Variants in CNTN6 observed in about 807,000 individuals in gnomAD.
CNTN6 encodes contactin-6.
In CNTN6, 137 loss-of-function variants were observed where a neutral mutation model predicts 122.8. That is an observed-to-expected ratio of 1.12 (90% CI 0.97 to 1.29). The LOEUF is 1.29. Among genes scored for constraint, CNTN6 ranks in the 50% most tolerant of loss-of-function variants. The pLI, the probability that CNTN6 is intolerant of heterozygous loss-of-function variation, is 0.00. For synonymous variants in CNTN6, 570 were observed against 426.0 expected, an observed-to-expected ratio of 1.34 and a Z score of -4.16; for missense variants, 1,634 against 1,223.4, an observed-to-expected ratio of 1.34 and a Z score of -5.01.
At chr3:1,226,837 A>G (rs779879277) in intron 3 of CNTN6, among the ~76,000 whole-genome samples, 3 of 152,172 alleles carry the variant, frequency 2.0e-5, no homozygotes, top group Non-Finnish European at 4.4e-5. Flanking sequence ...GTGAGAAAAG[A>G]TATTTTTCTA....
At chr3:1,118,772 G>A (rs1256652955) in intron 1 of CNTN6, among the ~76,000 whole-genome samples, 1 of 152,040 alleles carries the variant, frequency 6.6e-6, no homozygotes, top group East Asian at 1.9e-4. Context: ...ACATCTGAGA[G>A]ATAAGCATAG....
intron 1 of CNTN6, among the ~76,000 whole-genome samples, chr3:1,118,347 G>A (rs1020592874): frequency 2.0e-5 from 3 of 152,062 alleles, no homozygotes; most frequent in Non-Finnish European, 4.4e-5. Flanking sequence ...TGACCTGTAC[G>A]GAATAGTAAT....
intron 2 of CNTN6, among the ~76,000 whole-genome samples, chr3:1,157,048 C>T (rs2092987730): frequency 6.7e-6 from 1 of 149,726 alleles, no homozygotes. Flanking sequence ...TTTAATTTTT[C>T]TGTGTACATA....
At chr3:1,160,365 T>TATATATATATATATATATATGTAC (rs1486849078) in intron 2 of CNTN6, among the ~76,000 whole-genome samples, 1 of 133,418 alleles carries the variant, frequency 7.5e-6, no homozygotes, top group African/African-American at 2.9e-5. Flanking sequence ...TATATATATA[T>TATATATATATATATATATATGTAC]ATACACACTA....
At chr3:1,377,160 A>G (rs1575948851) in intron 17 of CNTN6, 85 bp downstream of exon 17, 1 of 936,382 alleles carries the variant, frequency 1.1e-6, no homozygotes, top group Non-Finnish European at 1.7e-6. Context: ...GATTTATTTG[A>G]TCACTATTGA....
intron 1 of CNTN6, among the ~76,000 whole-genome samples, chr3:1,140,299 C>T (rs1030666634): frequency 2.0e-5 from 3 of 152,130 alleles, no homozygotes; most frequent in African/African-American, 7.2e-5. Flanking sequence ...CAGGTGCACA[C>T]AGAGGCTGGA....
chr3:1,245,548 T>C (rs971074259), intron 4 of CNTN6, among the ~76,000 whole-genome samples: 6 of 148,520 alleles, frequency 4.0e-5, no homozygotes, highest in Non-Finnish European at 7.4e-5. Context: ...AGGGTGGGGG[T>C]TGGTGAGGGA....
At chr3:1,327,622 G>C (rs762259116) in intron 10 of CNTN6, 36 bp downstream of exon 10, 6 of 1,600,234 alleles carry the variant, frequency 3.7e-6, no homozygotes, top group Non-Finnish European at 5.1e-6. Flanking sequence ...AATTCAAAAT[G>C]ACGTTTTAAC....
chr3:1,383,464 G>T, intron 19 of CNTN6, 56 bp downstream of exon 19: 3 of 1,298,924 alleles, frequency 2.3e-6, no homozygotes. Flanking sequence ...CTTCGCAATA[G>T]CTCCTATTCA....
intron 4 of CNTN6, among the ~76,000 whole-genome samples, chr3:1,241,615 A>C (rs962129897): frequency 2.2e-4 from 33 of 152,306 alleles, no homozygotes; most frequent in South Asian, 1.4e-3. Context: ...GAGAGTGCCC[A>C]AGGGGGTTCA....
At chr3:1,123,205 G>A (rs1209876114) in intron 1 of CNTN6, among the ~76,000 whole-genome samples, 2 of 151,768 alleles carry the variant, frequency 1.3e-5, no homozygotes, top group Admixed American at 1.3e-4. Flanking sequence ...TTTTAACAGG[G>A]ATTGCCTTGA....
In CNTN6 at chr3:1,325,946, C is replaced by G. The variant is rs766077353; in HGVS notation, c.1078C>G (p.Pro360Ala). 21 of 1,608,606 alleles carry G rather than the reference C, an allele frequency of 1.3e-5. No individual in the cohort carries two copies. Among genetic ancestry groups the G allele is most frequent in the Non-Finnish European group, 1.8e-5 (21 of 1,177,622 alleles). Reference sequence around the variant, plus strand: ...GTTAAAAAATGGTGAACGACTCAACCCAGAGGTAAGCAACTATGTTGATAT... The same window carrying G: ...GTTAAAAAATGGTGAACGACTCAACGCAGAGGTAAGCAACTATGTTGATAT... ...TWLKNGERLNPEERIQIENGT... is the reference protein window; with the variant it reads ...TWLKNGERLNAEERIQIENGT... Residue 360 changes from proline (P) to alanine (A), a missense_variant, in exon 9 of 23, where the codon CCA (proline) becomes GCA (alanine). Coordinates refer to ENST00000446702, the MANE Select transcript of CNTN6 (RefSeq NM_001289080.2).
At chr3:1,159,302 A>T (rs1478592221) in intron 2 of CNTN6, among the ~76,000 whole-genome samples, 5 of 151,950 alleles carry the variant, frequency 3.3e-5, no homozygotes, top group Admixed American at 6.6e-5. Flanking sequence ...CTACTAAGTG[A>T]TTAAAGGTGG....
chr3:1,277,828 C>T (rs1327636573), intron 4 of CNTN6, among the ~76,000 whole-genome samples: 1 of 152,208 alleles, frequency 6.6e-6, no homozygotes, highest in Non-Finnish European at 1.5e-5. Flanking sequence ...AGTAAGCACT[C>T]TTTCAACTCT....
intron 12 of CNTN6, among the ~76,000 whole-genome samples, chr3:1,362,130 T>C (rs1482717434): frequency 6.6e-6 from 1 of 152,122 alleles, no homozygotes; most frequent in East Asian, 1.9e-4. Context: ...TTAAAATGAC[T>C]AAGATCCAGA....
intron 5 of CNTN6, among the ~76,000 whole-genome samples, chr3:1,279,802 C>T (rs1693047858): frequency 6.6e-6 from 1 of 152,156 alleles, no homozygotes; most frequent in African/African-American, 2.4e-5. Flanking sequence ...ATTATTTTTA[C>T]ACAACCTCAT....
At chr3:1,381,670 T>C (rs1432786313) in intron 17 of CNTN6, among the ~76,000 whole-genome samples, 2 of 152,210 alleles carry the variant, frequency 1.3e-5, no homozygotes, top group Non-Finnish European at 2.9e-5. Context: ...CTTCCAGTTT[T>C]CTACCTGGCT....
At chr3:1,402,289 A>C in intron 21 of CNTN6, 29 bp from the exon 22 acceptor site, 1 of 1,584,390 alleles carries the variant, frequency 6.3e-7, no homozygotes, top group Non-Finnish European at 8.6e-7. Context: ...CAACATGTCC[A>C]TGTTAACTTG....
At chr3:1,098,783 CACACACATATAT>C (rs2090679712) in intron 1 of CNTN6, among the ~76,000 whole-genome samples, 1 of 54,104 alleles carries the variant, frequency 1.8e-5, no homozygotes, top group East Asian at 5.8e-4. Context: ...CACACACACA[CACACACATATAT>C]ATATATATAT....
Sources: gnomAD v4.1 joint callset for allele counts (sites outside exome capture counted in the v4.1 genomes callset) on GRCh38, gnomAD v4.1.1 for gene constraint, MANE v1.5 for transcripts, NCBI Gene and HGNC (gene_info 2026-07-23, HGNC 2026-07-21) for gene names.